Variants in PDE11A observed in about 807,000 individuals in gnomAD.
PDE11A encodes the protein dual 3',5'-cyclic-AMP and -GMP phosphodiesterase 11A.
In PDE11A, 100 loss-of-function variants were observed where a neutral mutation model predicts 100.5. The ratio of observed to expected loss-of-function variants is 1.00; its 90% CI spans 0.85 to 1.18. The LOEUF is 1.18. PDE11A is among the 50% of genes most tolerant of loss of function. PDE11A has a pLI of 0.00. For synonymous variants in PDE11A, 381 were observed against 420.8 expected (o/e 0.91, Z 1.16); for missense variants, 1,141 against 1,152.6 (o/e 0.99, Z 0.15).
chr2:178,053,683 T>C (rs1181093847), intron 1 of PDE11A, among the ~76,000 whole-genome samples: 2 of 152,192 alleles, frequency 1.3e-5, no homozygotes, highest in Admixed American at 1.3e-4. Flanking sequence ...ACAACATCAA[T>C]GTTCAAAAAT....
At chr2:177,763,395 G>A (rs1460766205) in intron 10 of PDE11A, among the ~76,000 whole-genome samples, 2 of 152,176 alleles carry the variant, frequency 1.3e-5, no homozygotes, top group South Asian at 2.1e-4. Flanking sequence ...CCTTAGAAAT[G>A]ACCCGAGATG....
chr2:178,067,980 A>G (rs953226669), intron 1 of PDE11A, among the ~76,000 whole-genome samples: 1 of 152,196 alleles, frequency 6.6e-6, no homozygotes, highest in Non-Finnish European at 1.5e-5. Context: ...CAAGCCCATC[A>G]AACACCTGTA....
chr2:177,673,646 G>A (rs1033703046), intron 17 of PDE11A, among the ~76,000 whole-genome samples: 1 of 152,218 alleles, frequency 6.6e-6, no homozygotes, highest in African/African-American at 2.4e-5. Context: ...TGCCGTGACT[G>A]ATGGGACATT....
intron 13 of PDE11A, chr2:177,702,343 C>T (rs1175325834): frequency 6.6e-6 from 1 of 151,152 alleles, no homozygotes; most frequent in East Asian, 1.9e-4. Context: ...CAAAAAGGTT[C>T]GTGTCCAACT....
rs569787260 is a variant in PDE11A, at chr2:177,941,914, G to C, written c.1072-36727C>G. ...TTTACAGGCTCAGGCAGCATAAATG[G>C]ACCTTAAATATCATCTAGTCCATCT... is the stretch of plus-strand genomic sequence containing the variant. On this transcript the variant is annotated intron_variant, in intron 2 of 19. Transcript: ENST00000286063. 8.5e-5 allele frequency among the ~76,000 whole-genome samples: 13 copies of C among 152,242 alleles called. No homozygotes were observed. In the South Asian group the frequency reaches 2.3e-3, roughly 27 times the overall value.
intron 2 of PDE11A, among the ~76,000 whole-genome samples, chr2:178,079,097 T>C (rs749905172): frequency 2.0e-5 from 3 of 152,172 alleles, no homozygotes; most frequent in Non-Finnish European, 2.9e-5. Context: ...CTACTAACAA[T>C]AGAACAAAAG....
intron 10 of PDE11A, among the ~76,000 whole-genome samples, chr2:177,737,038 C>T (rs13007385): frequency 0.69 from 103,892 of 150,768 alleles, 37,964 homozygotes; most frequent in East Asian, 0.86. Context: ...GTCGGGAGTT[C>T]GAGACCAGCC....
chr2:177,711,968 A>G, intron 12 of PDE11A, 90 bp from the exon 13 acceptor site: 2 of 709,560 alleles, frequency 2.8e-6, no homozygotes, highest in South Asian at 1.6e-5. Flanking sequence ...CTCTGTTTTC[A>G]TACCCACATC....
rs189408500 is a variant in PDE11A, at chr2:177,956,059, G to A, written c.1072-50872C>T. 8.5e-3 allele frequency among the ~76,000 whole-genome samples: 1,288 copies of A among 152,158 alleles called. 12 individuals carry two copies. The highest frequency in any genetic ancestry group is 0.029 in the African/African-American group (1,192 of 41,516). ...GCGACAAAAGCCAAAATTGACAAATGGGATCTAATTAAACTAAAGAGCTTC... is the reference window on the plus strand; with the variant it reads ...GCGACAAAAGCCAAAATTGACAAATAGGATCTAATTAAACTAAAGAGCTTC... On this transcript the variant is annotated intron_variant, in intron 2 of 19. Coordinates refer to ENST00000286063, the MANE Select transcript of PDE11A (RefSeq NM_016953.4).
At chr2:177,855,285 A>G (rs775972704) in intron 5 of PDE11A, among the ~76,000 whole-genome samples, 2 of 152,080 alleles carry the variant, frequency 1.3e-5, no homozygotes, top group Non-Finnish European at 2.9e-5. Flanking sequence ...AGAAAAAGTA[A>G]AGAGAAGAGG....
intron 1 of PDE11A, among the ~76,000 whole-genome samples, chr2:178,020,404 G>A (rs775870998): frequency 2.6e-5 from 4 of 152,164 alleles, no homozygotes; most frequent in Non-Finnish European, 4.4e-5. Context: ...TAGACACTGG[G>A]ATGCTTTAGC....
chr2:177,727,946 A>T, intron 11 of PDE11A, 80 bp downstream of exon 11: 10 of 1,283,468 alleles, frequency 7.8e-6, no homozygotes, highest in Non-Finnish European at 1.1e-5. Flanking sequence ...CCCATTTTGT[A>T]TTTGGGAAAC....
In PDE11A at chr2:177,735,564, C is replaced by T. The variant is rs951694557; in HGVS notation, c.1789-7392G>A. On this transcript the variant is annotated intron_variant, in intron 10 of 19. Transcript: ENST00000286063. ...AATAAGGAAACATGGCGGAGAACAG[C>T]ACTACAGAGTAGAGTTCCAATCTCC... 3.3e-5 allele frequency among the ~76,000 whole-genome samples: 5 copies of T among 152,152 alleles called. No homozygotes were observed. In the East Asian group the frequency reaches 9.6e-4, roughly 29 times the overall value.
intron 1 of PDE11A, 95 bp downstream of exon 1, chr2:178,071,431 C>T (rs1191450451): frequency 6.5e-7 from 1 of 1,527,084 alleles, no homozygotes; most frequent in African/African-American, 1.4e-5. Flanking sequence ...TGTAAAGAGC[C>T]TAAATTAATG....
At chr2:177,932,506 C>T (rs2085220480) in intron 2 of PDE11A, among the ~76,000 whole-genome samples, 1 of 152,036 alleles carries the variant, frequency 6.6e-6, no homozygotes, top group South Asian at 2.1e-4. Context: ...AAAATTGGTT[C>T]AACATACACA....
In PDE11A at chr2:177,711,786, G is replaced by A. The variant is rs759003538; in HGVS notation, c.2136C>T (p.Asn712=). The part of the protein sequence containing the change: ...LCHDLDHRGT[N]NAFQAKSGSA... ...ACACTTACTTAGCTTGGAAGGCATT[G>A]TTGGTTCCCCTGTGGTCGAGGTCAT... Residue 712 remains asparagine, a synonymous_variant, in exon 13 of 20, where the codon AAC becomes AAT. Coordinates refer to ENST00000286063, the MANE Select transcript of PDE11A (RefSeq NM_016953.4). The A allele has an allele frequency of 6.3e-7, 1 of 1,589,634 alleles. No homozygotes were observed. Among genetic ancestry groups the A allele is most frequent in the East Asian group, 2.2e-5 (1 of 44,706 alleles).
At position 177,636,356 on chromosome 2, in the gene PDE11A, C is replaced by T. The variant is rs1036080841; in HGVS notation, c.2647-6794G>A. On this transcript the variant is annotated intron_variant, in intron 19 of 19. Coordinates refer to ENST00000286063, the MANE Select transcript of PDE11A (RefSeq NM_016953.4). Reference sequence around the variant, plus strand: ...TTGTCCAGAAGGTTTTGATTTTACTCCCTCTCTGAAAGAAACTCCCCAAAT... The same window carrying T: ...TTGTCCAGAAGGTTTTGATTTTACTTCCTCTCTGAAAGAAACTCCCCAAAT... Among the ~76,000 whole-genome samples, 6 of 152,242 alleles carry T rather than the reference C, an allele frequency of 3.9e-5. No homozygotes were observed. In the East Asian group the frequency reaches 1.2e-3, roughly 29 times the overall value.
At chr2:177,761,433 A>C (rs2082168979) in intron 10 of PDE11A, among the ~76,000 whole-genome samples, 1 of 152,246 alleles carries the variant, frequency 6.6e-6, no homozygotes, top group African/African-American at 2.4e-5. Context: ...ATTTGGTCAC[A>C]AGGTAGAAAT....
chr2:177,810,404 T>A (rs1274067582), intron 9 of PDE11A, among the ~76,000 whole-genome samples: 3 of 152,200 alleles, frequency 2.0e-5, no homozygotes, highest in Non-Finnish European at 4.4e-5. Context: ...TTACAATTAA[T>A]GACAATGTAG....
Sources: allele counts gnomAD v4.1 joint callset (sites outside exome capture counted in the v4.1 genomes callset), GRCh38; gene constraint gnomAD v4.1.1; transcripts MANE v1.5; gene names NCBI Gene and HGNC (gene_info 2026-07-23, HGNC 2026-07-21).